The following CEACAM8 variants were observed in gnomAD, a reference collection of about 807,000 sequenced individuals.
CEACAM8 encodes the protein cell adhesion molecule CEACAM8.
In CEACAM8, 31 loss-of-function variants were observed where a neutral mutation model predicts 33.4. The ratio of observed to expected loss-of-function variants is 0.93; its 90% CI spans 0.70 to 1.25. The LOEUF is 1.25. Among genes scored for constraint, CEACAM8 ranks in the 50% most tolerant of loss-of-function variants. The pLI, the probability that CEACAM8 is intolerant of heterozygous loss-of-function variation, is 0.00. For synonymous variants in CEACAM8, 138 were observed against 164.5 expected, an observed-to-expected ratio of 0.84 and a Z score of 1.23; for missense variants, 388 against 434.6, an observed-to-expected ratio of 0.89 and a Z score of 0.95.
intron 5 of CEACAM8, among the ~76,000 whole-genome samples, chr19:42,582,514 C>T (rs2042274584): frequency 1.3e-5 from 2 of 152,140 alleles, no homozygotes; most frequent in Non-Finnish European, 1.5e-5. Context: ...CACATTAATG[C>T]TAGAGTCGTT....
At chr19:42,590,015 G>A (rs979718605) in intron 2 of CEACAM8, among the ~76,000 whole-genome samples, 2 of 152,192 alleles carry the variant, frequency 1.3e-5, no homozygotes, top group African/African-American at 4.8e-5. Flanking sequence ...AGATCCTGGT[G>A]CCTCTTCTGG....
chr19:42,583,645 C>T (rs143755789), intron 4 of CEACAM8, among the ~76,000 whole-genome samples: 18 of 152,272 alleles, frequency 1.2e-4, no homozygotes, highest in African/African-American at 4.1e-4. Flanking sequence ...TAGAACTTTC[C>T]ACCTTTTCAT....
chr19:42,592,262 A>C (rs1411190116), intron 2 of CEACAM8, among the ~76,000 whole-genome samples: 1 of 152,086 alleles, frequency 6.6e-6, no homozygotes, highest in Non-Finnish European at 1.5e-5. Context: ...TGGTTCAGTG[A>C]CTGTGTCTTC....
chr19:42,583,048 A>T, intron 5 of CEACAM8, 158 bp downstream of exon 5: 5 of 582,956 alleles, frequency 8.6e-6, no homozygotes, highest in Non-Finnish European at 1.5e-5. Context: ...GGGTACAGGG[A>T]GCATGCAGAC....
At chr19:42,594,650 T>G in intron 1 of CEACAM8, 115 bp downstream of exon 1, 1 of 775,438 alleles carries the variant, frequency 1.3e-6, no homozygotes, top group Non-Finnish European at 2.2e-6. Flanking sequence ...CTCTCCTCTA[T>G]TAAGGCTCCA....
chr19:42,592,277 G>GCC (rs1356928551), intron 2 of CEACAM8, among the ~76,000 whole-genome samples: 1 of 151,938 alleles, frequency 6.6e-6, no homozygotes, highest in Non-Finnish European at 1.5e-5. Flanking sequence ...GTCTTCCTGT[G>GCC]CCTCCGTTTC....
chr19:42,592,517 C>T (rs940161925), intron 2 of CEACAM8, among the ~76,000 whole-genome samples: 9 of 147,268 alleles, frequency 6.1e-5, no homozygotes, highest in Middle Eastern at 3.5e-3. Flanking sequence ...GCAGGAGAAT[C>T]GCTTGAACCC....
intron 4 of CEACAM8, among the ~76,000 whole-genome samples, chr19:42,587,083 C>T (rs2042349045): frequency 6.6e-6 from 1 of 152,054 alleles, no homozygotes; most frequent in African/African-American, 2.4e-5. Flanking sequence ...AAACCACACA[C>T]ACACAAACAA....
At chr19:42,594,709 CCAGCCAGTCA>C in intron 1 of CEACAM8, 46 bp downstream of exon 1, 2 of 1,454,630 alleles carry the variant, frequency 1.4e-6, no homozygotes, top group East Asian at 4.6e-5. Context: ...CCAGGAGACC[CCAGCCAGTCA>C]CTGTGTTTCC....
At chr19:42,592,712 C>T (rs765909508) in intron 2 of CEACAM8, among the ~76,000 whole-genome samples, 6 of 152,032 alleles carry the variant, frequency 3.9e-5, no homozygotes, top group Non-Finnish European at 7.4e-5. Context: ...TCCATAGTCA[C>T]CTGACCTGAA....
intron 5 of CEACAM8, 104 bp downstream of exon 5, chr19:42,583,102 G>A (rs1190464921): frequency 1.5e-6 from 1 of 655,974 alleles, no homozygotes; most frequent in Non-Finnish European, 2.7e-6. Flanking sequence ...AGAAGCAGGA[G>A]TTTATTGGGA....
chr19:42,593,723 C>T lies in CEACAM8; in HGVS notation c.242G>A (p.Gly81Glu). 1 of 1,613,978 alleles carries T rather than the reference C, an allele frequency of 6.2e-7. No homozygotes were observed. ...AATCTGTTGATTTGATATTACATAT[C>T]CTATAATTCGACGGTTGGCATCCAC... is the stretch of plus-strand genomic sequence containing the variant. ...ETVDANRRII[G>E]YVISNQQITP... Residue 81 changes from glycine (G) to glutamate (E), a missense_variant, in exon 2 of 6, where the codon GGA (glycine) becomes GAA (glutamate). Transcript: ENST00000244336.
At chr19:42,583,941 A>G (rs1600286067) in intron 4 of CEACAM8, among the ~76,000 whole-genome samples, 1 of 152,116 alleles carries the variant, frequency 6.6e-6, no homozygotes, top group East Asian at 1.9e-4. Context: ...ACAGGAATCA[A>G]ATCTGCATCG....
chr19:42,584,607 T>C (rs975116367), intron 4 of CEACAM8, among the ~76,000 whole-genome samples: 4 of 152,220 alleles, frequency 2.6e-5, no homozygotes, highest in Admixed American at 1.3e-4. Context: ...GAAGGTTTCA[T>C]TGATGATTAC....
chr19:42,582,124 A>G (rs2042270544), intron 5 of CEACAM8, among the ~76,000 whole-genome samples: 1 of 151,576 alleles, frequency 6.6e-6, no homozygotes, highest in Non-Finnish European at 1.5e-5. Context: ...TGTGCTACCT[A>G]TTAGAACAGG....
intron 4 of CEACAM8, among the ~76,000 whole-genome samples, chr19:42,586,131 T>G (rs1433063276): frequency 1.3e-5 from 2 of 152,204 alleles, no homozygotes; most frequent in Non-Finnish European, 2.9e-5. Flanking sequence ...TTTCATGGAT[T>G]GGAAGACACG....
At position 42,589,541 on chromosome 19, in the gene CEACAM8, T is replaced by G. The variant is rs765754935; in HGVS notation, c.619A>C (p.Arg207=). 7 of 1,614,202 alleles carry G rather than the reference T, an allele frequency of 4.3e-6. No homozygotes were observed. In the Admixed American group the frequency reaches 1.2e-4, roughly 27 times the overall value. The part of the protein sequence containing the change: ...NRTLTLLSVT[R]NDVGPYECEI... ...CATTCATAGGGTCCTACGTCATTCCTTGTGACACTGAGTAGAGTGAGGGTC... is the reference window on the plus strand; with the variant it reads ...CATTCATAGGGTCCTACGTCATTCCGTGTGACACTGAGTAGAGTGAGGGTC... Residue 207 remains arginine, a synonymous_variant, in exon 3 of 6, where the codon AGG becomes CGG. Transcript: ENST00000244336.
chr19:42,588,070 A>G (rs1467779318), intron 4 of CEACAM8, among the ~76,000 whole-genome samples: 2 of 152,164 alleles, frequency 1.3e-5, no homozygotes, highest in African/African-American at 4.8e-5. Context: ...TCTGTGTTGT[A>G]TCCACAGCCT....
chr19:42,581,733 T>C (rs1263412820), intron 5 of CEACAM8, among the ~76,000 whole-genome samples: 1 of 149,586 alleles, frequency 6.7e-6, no homozygotes, highest in Non-Finnish European at 1.5e-5. Context: ...CTACTAAAAA[T>C]AGAAAAATTA....
Sources: gnomAD v4.1 joint callset for allele counts (sites outside exome capture counted in the v4.1 genomes callset) on GRCh38, gnomAD v4.1.1 for gene constraint, MANE v1.5 for transcripts, NCBI Gene and HGNC (gene_info 2026-07-23, HGNC 2026-07-21) for gene names.